ZNF761: variants seen among roughly 807,000 people sequenced by gnomAD.
ZNF761 encodes zinc finger protein 761.
ZNF761 carries 43 observed loss-of-function variants against 59.9 expected under a neutral mutation model. The ratio of observed to expected loss-of-function variants is 0.72; its 90% CI spans 0.56 to 0.92. The LOEUF is 0.92. Among genes scored for constraint, ZNF761 ranks in the 40% least tolerant of loss-of-function variants. The probability of loss-of-function intolerance (pLI) is 0.00; values close to 1 mark genes in which losing one functional copy is unlikely to be tolerated. For synonymous variants in ZNF761, 294 were observed against 304.8 expected, an observed-to-expected ratio of 0.96 and a Z score of 0.37; for missense variants, 850 against 906.1, an observed-to-expected ratio of 0.94 and a Z score of 0.79.
At chr19:53,434,067 G>A (rs965461269) in intron 1 of ZNF761, among the ~76,000 whole-genome samples, 9 of 152,022 alleles carry the variant, frequency 5.9e-5, no homozygotes, top group African/African-American at 2.2e-4. Flanking sequence ...TGGCTTGCTG[G>A]GCCAGTAAGT....
chr19:53,435,981 T>G (rs1568799591), intron 1 of ZNF761, among the ~76,000 whole-genome samples: 12 of 152,134 alleles, frequency 7.9e-5, no homozygotes. Context: ...GAGCTGGGCT[T>G]GTCGTCCCCT....
Position 53,449,539 on chromosome 19 carries a change from A to G in ZNF761, c.43A>G (p.Ile15Val), listed in dbSNP as rs780634302. The G allele has an allele frequency of 5.6e-5, 90 of 1,613,724 alleles. No individual in the cohort carries two copies. The Middle Eastern group carries it at 6.6e-4, about 12-fold the overall frequency. The change falls in exon 4 of 5, where the codon ATA becomes GTA. Residue 15 changes from isoleucine to valine, a missense_variant. By Grantham distance (29) the Ile-to-Val change is conservative. Transcript: ENST00000684525. ...QGLLTFRDVA[I>V]EFSQEEWKCL... is the part of the protein sequence containing the mutation. ...TCTATTGACATTCAGGGATGTGGCC[A>G]TAGAATTCTCTCAGGAGGAGTGGAA...
intron 4 of ZNF761, chr19:53,450,114 C>T (rs573873877): frequency 1.6e-4 from 43 of 274,056 alleles, no homozygotes; most frequent in East Asian, 2.4e-4. Flanking sequence ...ACCAGCCCGG[C>T]CAACATGGTG....
intron 1 of ZNF761, among the ~76,000 whole-genome samples, chr19:53,432,457 C>T (rs137904843): frequency 6.6e-6 from 1 of 152,230 alleles, no homozygotes; most frequent in East Asian, 1.9e-4. Flanking sequence ...GTGCTGTCGC[C>T]CCTTCACCTC....
At chr19:53,433,073 A>C (rs2085992544) in intron 1 of ZNF761, among the ~76,000 whole-genome samples, 1 of 132,266 alleles carries the variant, frequency 7.6e-6, no homozygotes. Context: ...GAGAGAATTT[A>C]ACGGGGAGAG....
chr19:53,441,190 G>A (rs535284620), intron 1 of ZNF761, among the ~76,000 whole-genome samples: 77 of 152,276 alleles, frequency 5.1e-4, no homozygotes, highest in African/African-American at 1.8e-3. Flanking sequence ...GCTGAGGCAT[G>A]AGAATCACTT....
At chr19:53,438,209 A>T (rs1216111516) in intron 1 of ZNF761, among the ~76,000 whole-genome samples, 1 of 151,278 alleles carries the variant, frequency 6.6e-6, no homozygotes, top group African/African-American at 2.4e-5. Flanking sequence ...AGTCATCCTC[A>T]GGTTTGATAA....
chr19:53,456,474 A>G lies in ZNF761; in HGVS notation c.1967A>G (p.His656Arg), dbSNP rs772787914. 4 of 1,613,952 alleles carry G rather than the reference A, an allele frequency of 2.5e-6. No homozygotes were observed. Among genetic ancestry groups the G allele is most frequent in the South Asian group, 1.1e-5 (1 of 91,056 alleles). Residue 656 changes from histidine (H) to arginine (R), a missense_variant, in exon 5 of 5, where the codon CAT (histidine) becomes CGT (arginine). Coordinates refer to ENST00000684525, the MANE Select transcript of ZNF761 (RefSeq NM_001289951.2). ...AACCTTGAAGGACATAGGAGAATTC[A>G]TACTGGAGAGAAACCTTACAAGTGT... ...KSNLEGHRRI[H>R]TGEKPYKCNE...
intron 1 of ZNF761, among the ~76,000 whole-genome samples, chr19:53,433,174 C>G (rs1174438699): frequency 2.0e-5 from 3 of 152,082 alleles, no homozygotes; most frequent in South Asian, 2.1e-4. Context: ...AAGATACGCA[C>G]CGGCTCAGTG....
Position 53,455,208 on chromosome 19 carries a change from A to T in ZNF761, c.701A>T (p.Gln234Leu). The change falls in exon 5 of 5, where the codon CAG becomes CTG. Residue 234 changes from glutamine to leucine, a missense_variant. Gln to Leu is a moderately radical substitution (Grantham distance 113). Coordinates refer to ENST00000684525, the MANE Select transcript of ZNF761 (RefSeq NM_001289951.2). ...FNYSSLLRKH[Q>L]IIHLADKYKC... ...TACAGCTCACTCTTAAGGAAACATCAGATAATCCATTTAGCAGACAAATAT... is the reference window on the plus strand; with the variant it reads ...TACAGCTCACTCTTAAGGAAACATCTGATAATCCATTTAGCAGACAAATAT... 6.2e-7 allele frequency: 1 copy of T among 1,614,224 alleles called. No individual in the cohort carries two copies. The highest frequency in any genetic ancestry group is 1.1e-5 in the South Asian group (1 of 91,078).
At position 53,449,815 on chromosome 19, in the gene ZNF761, C is replaced by T. The variant is rs111490804; in HGVS notation, c.142+177C>T. ...GTGATTGTCCCACCTCAGCCTCCCC[C>T]GGTAGCTGGTACAGGTGCATGCCAC... On this transcript the variant is annotated intron_variant, in intron 4 of 4. Transcript: ENST00000684525. 1,412 of 1,409,796 alleles carry T rather than the reference C, an allele frequency of 1.0e-3. 5 individuals carry two copies. The highest frequency in any genetic ancestry group is 7.0e-3 in the Middle Eastern group (30 of 4,266). 87.3% of individuals were successfully genotyped at this position (1,409,796 alleles called of 1,614,324 possible).
chr19:53,443,157 G>C (rs2086118037), intron 1 of ZNF761: 1 of 167,676 alleles, frequency 6.0e-6, no homozygotes, highest in African/African-American at 2.4e-5. Flanking sequence ...ACCTGGTAAA[G>C]AATCAGTGAC....
rs2086285644 is a variant in ZNF761, at chr19:53,457,880, A to T, written c.*1132A>T. ...GGGATTTTTATGGATATCATGTTGA[A>T]TCTAAATCACATTGGGTTATTATAT... On this transcript the variant is annotated 3_prime_UTR_variant, in exon 5 of 5. Coordinates refer to ENST00000684525, the MANE Select transcript of ZNF761 (RefSeq NM_001289951.2). The T allele has an allele frequency of 6.5e-6, 1 of 153,174 alleles. No individual in the cohort carries two copies. Among genetic ancestry groups the T allele is most frequent in the East Asian group, 1.9e-4 (1 of 5,188 alleles). The allele number at this position is 153,174 out of a possible 1,614,324, so 9.5% of individuals were successfully genotyped here.
At chr19:53,441,853 G>C in intron 1 of ZNF761, 2 of 1,562,924 alleles carry the variant, frequency 1.3e-6, no homozygotes, top group Non-Finnish European at 1.7e-6. Context: ...GCAGTAGCTG[G>C]GTGGGCAGCA....
At position 53,457,168 on chromosome 19, in the gene ZNF761, A is replaced by C. The variant is rs147771893; in HGVS notation, c.*420A>C. The C allele has an allele frequency of 2.5e-5, 13 of 510,502 alleles. No homozygotes were observed. The East Asian group carries it at 6.6e-4, about 26-fold the overall frequency. The allele number at this position is 510,502 out of a possible 1,614,324, so 31.6% of individuals were successfully genotyped here. A position where few individuals can be genotyped will look rare whatever the true frequency, so the allele number is the denominator to read the frequency against. On this transcript the variant is annotated 3_prime_UTR_variant, in exon 5 of 5. Transcript: ENST00000684525. ...GTAGGGAAACTTTACTAAGGTAATGATTGTCACAAAGTCTTCAGTAATGCT... is the reference window on the plus strand; with the variant it reads ...GTAGGGAAACTTTACTAAGGTAATGCTTGTCACAAAGTCTTCAGTAATGCT...
intron 2 of ZNF761, among the ~76,000 whole-genome samples, chr19:53,446,941 GGGCTGGGTCT>G (rs1276417233): frequency 7.4e-6 from 1 of 135,032 alleles, no homozygotes; most frequent in African/African-American, 3.1e-5. Context: ...GGTTTGGTCA[GGGCTGGGTCT>G]AGGGACCCAG....
rs766852009 is a variant in ZNF761 at position 53,449,745 on chromosome 19, A to G, written c.142+107A>G. The stretch of plus-strand genomic sequence containing the variant: ...GCTCTGTCACCCAGGGTAGAGTGCA[A>G]TGGTGTGATCATGGCTCACTGCAGT... On this transcript the variant is annotated intron_variant, in intron 4 of 4. Transcript: ENST00000684525. 6.4e-5 allele frequency: 101 copies of G among 1,569,980 alleles called. 5 individuals are homozygous for G. In the Middle Eastern group the frequency reaches 5.1e-3, roughly 80 times the overall value.
At chr19:53,439,886 C>T (rs999336803) in intron 1 of ZNF761, among the ~76,000 whole-genome samples, 5 of 152,146 alleles carry the variant, frequency 3.3e-5, no homozygotes, top group African/African-American at 1.2e-4. Context: ...GGAGTTGCTT[C>T]TGGTTTTAAT....
At chr19:53,436,806 ACTTAT>A (rs1419236997) in intron 1 of ZNF761, among the ~76,000 whole-genome samples, 1 of 152,164 alleles carries the variant, frequency 6.6e-6, no homozygotes, top group Non-Finnish European at 1.5e-5. Context: ...GAAAGCCTTA[ACTTAT>A]CTTGAAAAGG....
Sources: gnomAD v4.1 joint callset for allele counts (sites outside exome capture counted in the v4.1 genomes callset) on GRCh38, gnomAD v4.1.1 for gene constraint, MANE v1.5 for transcripts, NCBI Gene and HGNC (gene_info 2026-07-23, HGNC 2026-07-21) for gene names.